The following GLE1 variants were observed in gnomAD, a reference collection of about 807,000 sequenced individuals.
GLE1 encodes GLE1 RNA export mediator.
In GLE1, 78 loss-of-function variants were observed where a neutral mutation model predicts 97.3. That is an observed-to-expected ratio of 0.80 (90% CI 0.67 to 0.97). The LOEUF is 0.97. GLE1 is among the 50% of genes least tolerant of loss of function. The probability of loss-of-function intolerance (pLI) is 0.00; values close to 1 mark genes in which losing one functional copy is unlikely to be tolerated. For synonymous variants in GLE1, 302 were observed against 313.4 expected (o/e 0.96, Z 0.39); for missense variants, 753 against 857.5 (o/e 0.88, Z 1.52).
intron 9 of GLE1, among the ~76,000 whole-genome samples, chr9:128,532,322 T>C (rs963360343): frequency 1.4e-5 from 2 of 142,552 alleles, no homozygotes; most frequent in Admixed American, 7.7e-5. Context: ...CTTCCTGGGT[T>C]CAAACGATTC....
Position 128,522,918 on chromosome 9 carries a change from T to A in GLE1, c.581+102T>A, listed in dbSNP as rs1156385440. The A allele has an allele frequency of 4.5e-6, 6 of 1,340,434 alleles. No individual in the cohort carries two copies. The African/African-American group carries it at 8.6e-5, about 19-fold the overall frequency. The allele number at this position is 1,340,434 out of a possible 1,614,324, so 83.0% of individuals were successfully genotyped here. ...AAAGAGTTGAACAACTTCTGAGTCC[T>A]TAAATATCAAGGTAAAATAGGCAGA... On this transcript the variant is annotated intron_variant, in intron 4 of 15. Coordinates refer to ENST00000309971, the MANE Select transcript of GLE1 (RefSeq NM_001003722.2).
intron 1 of GLE1, among the ~76,000 whole-genome samples, chr9:128,507,315 C>T (rs1846668667): frequency 1.3e-5 from 2 of 152,002 alleles, no homozygotes; most frequent in Non-Finnish European, 2.9e-5. Context: ...GGCTTGGTGT[C>T]TCACACCTGC....
chr9:128,541,095 T>C lies in GLE1; in HGVS notation c.2029-7T>C. ...TCATTCTGTTTTCTTCATCTTTCCC[T>C]GACCAGAAATGTTTGCAACACAAGG... On this transcript the variant is annotated splice_polypyrimidine_tract_variant and splice_region_variant and intron_variant, in intron 15 of 15. Coordinates refer to ENST00000309971, the MANE Select transcript of GLE1 (RefSeq NM_001003722.2). 1 of 1,515,190 alleles carries C rather than the reference T, an allele frequency of 6.6e-7. No homozygotes were observed. The highest frequency in any genetic ancestry group is 1.4e-5 in the African/African-American group (1 of 73,190). The allele number at this position is 1,515,190 out of a possible 1,614,324, so 93.9% of individuals were successfully genotyped here.
At chr9:128,540,877 CAA>C (rs750777510) in intron 15 of GLE1, 19 of 564,250 alleles carry the variant, frequency 3.4e-5, no homozygotes, top group Non-Finnish European at 5.4e-5. Context: ...TGTAGGGAGA[CAA>C]GAGTGGGACA....
Position 128,527,494 on chromosome 9 carries a change from C to T in GLE1, c.1281C>T (p.Thr427=). Residue 427 remains threonine (T), a synonymous_variant, in exon 9 of 16, where the codon ACC becomes ACT. Coordinates refer to ENST00000309971, the MANE Select transcript of GLE1 (RefSeq NM_001003722.2). ...KIKMDLQKAA[T]IPVSQISTIA... is the part of the protein sequence containing the mutation. ...AGATGGACCTCCAGAAGGCTGCTAC[C>T]ATCCCAGTGAGCCAAATCTCTACCA... 2 of 1,612,916 alleles carry T rather than the reference C, an allele frequency of 1.2e-6. No individual in the cohort carries two copies. Among genetic ancestry groups the T allele is most frequent in the South Asian group, 1.1e-5 (1 of 91,060 alleles).
chr9:128,532,513 A>G (rs947052862), intron 9 of GLE1, among the ~76,000 whole-genome samples: 13 of 143,238 alleles, frequency 9.1e-5, no homozygotes, highest in African/African-American at 3.3e-4. Flanking sequence ...CTGCTTAAGC[A>G]AAAAAAAAAA....
Position 128,509,092 on chromosome 9 carries a change from AC to A in GLE1, c.318del (p.Lys107ArgfsTer35). The A allele has an allele frequency of 6.3e-7, 1 of 1,590,252 alleles. No homozygotes were observed. The highest frequency in any genetic ancestry group is 8.6e-7 in the Non-Finnish European group (1 of 1,158,108). ...AGCCTCCCCTGCAACACCAAATGGA[AC>A]CAAGGTAAGGTTGTGATCAGCTTAA... Reference protein sequence around the residue: ...SPASPATPNGTKGKDESQHTE... With the variant: ...SPASPATPNGXKGKDESQHTE... On this transcript the variant is annotated frameshift_variant, in exon 2 of 16. Coordinates refer to ENST00000309971, the MANE Select transcript of GLE1 (RefSeq NM_001003722.2). LOFTEE classifies it high-confidence loss of function.
At chr9:128,526,126 A>G (rs1156688167) in intron 7 of GLE1, among the ~76,000 whole-genome samples, 5 of 150,240 alleles carry the variant, frequency 3.3e-5, no homozygotes, top group Non-Finnish European at 7.4e-5. Context: ...GGTTCAAACA[A>G]TTCTCCTGCC....
rs1564160229 is a variant in GLE1, at chr9:128,538,033, C to A, written c.1824C>A (p.Ile608=). The part of the protein sequence containing the change: ...LNHGWRWLAQ[I]LNMEPLSDVT... ...ATGGATGGCGCTGGTTGGCACAGAT[C>A]TTAAACATGGAGCCCTTGTCAGATG... The change falls in exon 13 of 16, where the codon ATC becomes ATA. Residue 608 remains isoleucine (I), a synonymous_variant. Coordinates refer to ENST00000309971, the MANE Select transcript of GLE1 (RefSeq NM_001003722.2). The A allele has an allele frequency of 6.2e-7, 1 of 1,613,112 alleles. No individual in the cohort carries two copies. Among genetic ancestry groups the A allele is most frequent in the Admixed American group, 1.7e-5 (1 of 60,012 alleles).
chr9:128,505,127 C>G (rs1846603383), intron 1 of GLE1, among the ~76,000 whole-genome samples: 1 of 152,228 alleles, frequency 6.6e-6, no homozygotes, highest in African/African-American at 2.4e-5. Flanking sequence ...GCCCCGCGCT[C>G]TGAAGGCTTC....
In GLE1 at chr9:128,540,271, G is replaced by A. The variant is rs1370695765; in HGVS notation, c.1965-4G>A. On this transcript the variant is annotated splice_polypyrimidine_tract_variant and splice_region_variant and intron_variant, in intron 14 of 15. Coordinates refer to ENST00000309971, the MANE Select transcript of GLE1 (RefSeq NM_001003722.2). Reference sequence around the variant, plus strand: ...GTGATTCATGTGTCTTTCTCTCCCTGTAGAATTGAAGCTATCACAAGCTCA... The same window carrying A: ...GTGATTCATGTGTCTTTCTCTCCCTATAGAATTGAAGCTATCACAAGCTCA... The A allele has an allele frequency of 3.1e-6, 5 of 1,592,230 alleles. No homozygotes were observed. The South Asian group carries it at 3.3e-5, about 11-fold the overall frequency.
chr9:128,506,941 C>T (rs561614478), intron 1 of GLE1, among the ~76,000 whole-genome samples: 1 of 152,272 alleles, frequency 6.6e-6, no homozygotes, highest in South Asian at 2.1e-4. Flanking sequence ...TACTTTATCT[C>T]ATTGTAGCAA....
At chr9:128,505,414 G>A (rs1288242773) in intron 1 of GLE1, among the ~76,000 whole-genome samples, 1 of 152,226 alleles carries the variant, frequency 6.6e-6, no homozygotes, top group Non-Finnish European at 1.5e-5. Flanking sequence ...TTAAGGCCGA[G>A]CTCCCATTCC....
intron 15 of GLE1, 78 bp downstream of exon 15, chr9:128,540,416 T>G: frequency 1.1e-6 from 1 of 875,290 alleles, no homozygotes; most frequent in South Asian, 1.3e-5. Context: ...TCTTGGACCT[T>G]CCGATGCTCT....
rs186988987 is a variant in GLE1 at position 128,530,667 on chromosome 9, T to C, written c.1313-2846T>C. ...GTTCACGCCTGTAATCCCAGCACTT[T>C]GGGAGGCCGAGCCTGGCGGGTCACC... On this transcript the variant is annotated intron_variant, in intron 9 of 15. Coordinates refer to ENST00000309971, the MANE Select transcript of GLE1 (RefSeq NM_001003722.2). Among the ~76,000 whole-genome samples, 412 of 148,090 alleles carry C rather than the reference T, an allele frequency of 2.8e-3. 3 individuals are homozygous for C. The highest frequency in any genetic ancestry group is 4.7e-3 in the Non-Finnish European group (312 of 67,038).
intron 9 of GLE1, chr9:128,532,571 G>A (rs1478400572): frequency 5.7e-6 from 1 of 175,658 alleles, no homozygotes; most frequent in African/African-American, 2.4e-5. Context: ...CCCAGTGGCA[G>A]GAATGAGGTG....
At position 128,523,682 on chromosome 9, in the gene GLE1, C is replaced by T. The variant is rs1211264612; in HGVS notation, c.733C>T (p.Leu245=). 9 of 1,613,998 alleles carry T rather than the reference C, an allele frequency of 5.6e-6. No homozygotes were observed. In the East Asian group the frequency reaches 2.0e-4, roughly 36 times the overall value. ...TCGGAAGGAAGAAGGCCAGATCCGC[C>T]TGCGGGCCCTCTATGCTCTGCAGGA... is the stretch of plus-strand genomic sequence containing the variant. ...RLRKEEGQIR[L]RALYALQEEM... The change falls in exon 6 of 16, where the codon CTG becomes TTG. Residue 245 remains leucine, a synonymous_variant. Transcript: ENST00000309971.
intron 2 of GLE1, among the ~76,000 whole-genome samples, chr9:128,513,768 G>A (rs1356026793): frequency 1.3e-5 from 2 of 151,232 alleles, no homozygotes; most frequent in Non-Finnish European, 2.9e-5. Context: ...TGTAATCCCA[G>A]CACTTTGGAA....
At chr9:128,537,665 G>A (rs1847758371) in intron 12 of GLE1, among the ~76,000 whole-genome samples, 1 of 151,908 alleles carries the variant, frequency 6.6e-6, no homozygotes, top group Non-Finnish European at 1.5e-5. Flanking sequence ...AATTAGCTGA[G>A]CACGGTGGCA....
Sources: allele counts gnomAD v4.1 joint callset (sites outside exome capture counted in the v4.1 genomes callset), GRCh38; gene constraint gnomAD v4.1.1; transcripts MANE v1.5; gene names NCBI Gene and HGNC (gene_info 2026-07-23, HGNC 2026-07-21).